The following GSN variants were observed in gnomAD, a reference collection of about 807,000 sequenced individuals.
GSN encodes the protein gelsolin, also known as actin-depolymerizing factor.
In GSN, 56 loss-of-function variants were observed where a neutral mutation model predicts 85.7. The observed-to-expected ratio is 0.65, with a 90% CI of 0.53 to 0.82. The LOEUF (loss-of-function observed/expected upper bound fraction) is 0.82, where lower values mean the gene tolerates loss of function less well. Ranked by LOEUF, GSN falls within the 40% of genes least tolerant of loss-of-function variation. The pLI is 0.00. For synonymous variants in GSN, 373 were observed against 399.1 expected, an observed-to-expected ratio of 0.93 and a Z score of 0.78; for missense variants, 857 against 979.8, an observed-to-expected ratio of 0.87 and a Z score of 1.67.
intron 2 of GSN, among the ~76,000 whole-genome samples, chr9:121,287,919 G>A (rs1037046785): frequency 2.0e-5 from 3 of 151,922 alleles, no homozygotes; most frequent in Non-Finnish European, 4.4e-5. Flanking sequence ...AGCTGACCAC[G>A]CATCTGCTTT....
At chr9:121,259,097 T>C (rs1263740202) in intron 6 of GSN, among the ~76,000 whole-genome samples, 3 of 152,220 alleles carry the variant, frequency 2.0e-5, no homozygotes, top group African/African-American at 7.2e-5. Context: ...TCAGTGTGTA[T>C]TGAGGGTCTG....
rs553314954 is a variant in GSN, at chr9:121,248,989, G to A, written c.-341+666G>A. ...CCATCGTGTAGTGGATGATTAGCAC[G>A]AGATGAGATTGGGGGCACTGAGGCC... On this transcript the variant is annotated intron_variant, in intron 6 of 24. Coordinates refer to the GSN transcript ENST00000373823. Among the ~76,000 whole-genome samples the A allele has an allele frequency of 6.6e-5, 10 of 152,320 alleles. No individual in the cohort carries two copies. In the South Asian group the frequency reaches 1.4e-3, roughly 22 times the overall value.
At chr9:121,309,323 T>C (rs1264447826) in intron 4 of GSN, 1 of 152,008 alleles carries the variant, frequency 6.6e-6, no homozygotes, top group Non-Finnish European at 1.5e-5. Context: ...GCAGGGAAGC[T>C]CTCCTGAACG....
chr9:121,325,017 G>A (rs1010376779), intron 12 of GSN, among the ~76,000 whole-genome samples: 3 of 152,220 alleles, frequency 2.0e-5, no homozygotes, highest in Non-Finnish European at 2.9e-5. Flanking sequence ...CACGGATGTG[G>A]AACCAGCATG....
intron 6 of GSN, among the ~76,000 whole-genome samples, chr9:121,254,414 T>C (rs1352974889): frequency 6.6e-6 from 1 of 152,186 alleles, no homozygotes; most frequent in African/African-American, 2.4e-5. Context: ...TGTAAGTTCT[T>C]TCTCTTCCCT....
intron 6 of GSN, among the ~76,000 whole-genome samples, chr9:121,251,597 A>C (rs1295947202): frequency 6.6e-6 from 1 of 152,146 alleles, no homozygotes; most frequent in Non-Finnish European, 1.5e-5. Flanking sequence ...TAAACATTGA[A>C]AAATGTGCTG....
intron 4 of GSN, among the ~76,000 whole-genome samples, chr9:121,225,941 A>C (rs2054265043): frequency 1.3e-5 from 2 of 152,120 alleles, no homozygotes; most frequent in Admixed American, 6.5e-5. Flanking sequence ...AGTAGCTGGG[A>C]CTACCAGCAC....
intron 7 of GSN, among the ~76,000 whole-genome samples, chr9:121,315,336 T>G (rs778269340): frequency 6.6e-6 from 1 of 152,228 alleles, no homozygotes; most frequent in Non-Finnish European, 1.5e-5. Flanking sequence ...TTGATGGACA[T>G]TAGGATGTTC....
At position 121,287,226 on chromosome 9, in the gene GSN, G is replaced by A. The variant is rs192195031; in HGVS notation, c.-10+5664G>A. Among the ~76,000 whole-genome samples the A allele has an allele frequency of 4.3e-3, 655 of 152,242 alleles. 5 individuals carry two copies. Among genetic ancestry groups the A allele is most frequent in the African/African-American group, 0.015 (629 of 41,538 alleles). On this transcript the variant is annotated intron_variant, in intron 2 of 17. Coordinates refer to ENST00000432226, the MANE Select transcript of GSN (RefSeq NM_198252.3). Reference sequence around the variant, plus strand: ...CTGGGTGACTCAGCCCTGAGTCACCGGGAGGCTGAGGACAGGGGGAGGAGT... The same window carrying A: ...CTGGGTGACTCAGCCCTGAGTCACCAGGAGGCTGAGGACAGGGGGAGGAGT...
intron 4 of GSN, among the ~76,000 whole-genome samples, chr9:121,215,232 C>A (rs2054040655): frequency 7.1e-6 from 1 of 140,316 alleles, no homozygotes; most frequent in Non-Finnish European, 1.6e-5. Context: ...CCCCCACACT[C>A]ATATATGACC....
At chr9:121,321,731 GTTTA>G (rs36130872) in intron 11 of GSN, among the ~76,000 whole-genome samples, 68,051 of 150,284 alleles carry the variant, frequency 0.45, 16,795 homozygotes, top group African/African-American at 0.66. Flanking sequence ...ATTTATATTT[GTTTA>G]TTTATTTATT....
At chr9:121,290,235 A>T (rs2132858945) in intron 2 of GSN, among the ~76,000 whole-genome samples, 1 of 152,060 alleles carries the variant, frequency 6.6e-6, no homozygotes, top group East Asian at 1.9e-4. Flanking sequence ...CCTAAAGCAC[A>T]CCCGGGGACA....
intron 4 of GSN, chr9:121,222,175 G>A (rs2054182913): frequency 6.6e-6 from 1 of 152,118 alleles, no homozygotes; most frequent in Non-Finnish European, 1.5e-5. Flanking sequence ...GAGAGTAACA[G>A]GCAACTGAAA....
intron 1 of GSN, among the ~76,000 whole-genome samples, chr9:121,208,881 A>T (rs962351315): frequency 5.3e-5 from 8 of 152,242 alleles, no homozygotes; most frequent in Admixed American, 5.2e-4. Flanking sequence ...AGGGAGGCTG[A>T]TGTTAAACCC....
At chr9:121,331,973 T>C (rs114608885) in intron 17 of GSN, 4,377 of 219,894 alleles carry the variant, frequency 0.02, 209 homozygotes, top group African/African-American at 0.094. Flanking sequence ...AGAGGATTGC[T>C]TGAGCCCAGG....
intron 4 of GSN, among the ~76,000 whole-genome samples, chr9:121,307,490 T>G: frequency 6.6e-6 from 1 of 152,172 alleles, no homozygotes. Context: ...AGGCTGACAG[T>G]TGAATGAAGC....
Position 121,318,541 on chromosome 9 carries a change from G to A in GSN, c.975+47G>A. 6.6e-7 allele frequency: 1 copy of A among 1,522,316 alleles called. No homozygotes were observed. The allele number at this position is 1,522,316 out of a possible 1,614,324, so 94.3% of individuals were successfully genotyped here. A position where few individuals can be genotyped will look rare whatever the true frequency, so the allele number is the denominator to read the frequency against. On this transcript the variant is annotated intron_variant, in intron 9 of 17. Coordinates refer to ENST00000432226, the MANE Select transcript of GSN (RefSeq NM_198252.3). The surrounding 1 kb of genome is among the most constrained non-coding windows in gnomAD (Gnocchi z 4.3). The stretch of plus-strand genomic sequence containing the variant: ...GGATGGGAAGGGGTGGGTCCTGTTT[G>A]GAGGGGATGGGCTGGAGTAGGGCGG...
At chr9:121,235,451 T>C (rs762306472) in intron 5 of GSN, among the ~76,000 whole-genome samples, 1 of 152,224 alleles carries the variant, frequency 6.6e-6, no homozygotes, top group Non-Finnish European at 1.5e-5. Context: ...GTTCCTATTC[T>C]GGAAGACAAT....
At chr9:121,255,286 C>T (rs2054930044) in intron 6 of GSN, among the ~76,000 whole-genome samples, 1 of 152,186 alleles carries the variant, frequency 6.6e-6, no homozygotes, top group Admixed American at 6.5e-5. Flanking sequence ...CTATGTCACC[C>T]AGTCTAGAGT....
Sources: allele counts gnomAD v4.1 joint callset (sites outside exome capture counted in the v4.1 genomes callset), GRCh38; gene constraint gnomAD v4.1.1; non-coding constraint Gnocchi (gnomAD v3.1); transcripts MANE v1.5; gene names NCBI Gene and HGNC (gene_info 2026-07-23, HGNC 2026-07-21).